Variants in DPYD observed in about 807,000 individuals in gnomAD.
The protein encoded by DPYD is dihydropyrimidine dehydrogenase [NADP(+)].
In DPYD, 109 loss-of-function variants were observed where a neutral mutation model predicts 116.2. The observed-to-expected ratio is 0.94, with a 90% confidence interval of 0.80 to 1.10. The LOEUF is 1.10. Ranked by LOEUF, DPYD falls within the 50% of genes least tolerant of loss-of-function variation. The pLI is 0.00. For missense variants in DPYD, 1,302 were observed against 1,254.5 expected, an observed-to-expected ratio of 1.04 and a Z score of -0.57; for synonymous variants, 440 against 432.0, an observed-to-expected ratio of 1.02 and a Z score of -0.23.
intron 5 of DPYD, chr1:97,700,408 C>A: frequency 2.6e-6 from 1 of 382,332 alleles, no homozygotes; most frequent in South Asian, 2.0e-5. Flanking sequence ...AAAACAAAAA[C>A]TGGAGTGACT....
intron 4 of DPYD, among the ~76,000 whole-genome samples, chr1:97,733,476 A>G (rs1205219698): frequency 6.6e-6 from 1 of 151,978 alleles, no homozygotes; most frequent in African/African-American, 2.4e-5. Flanking sequence ...TACTATTCAC[A>G]TTACTATGCA....
intron 8 of DPYD, among the ~76,000 whole-genome samples, chr1:97,676,215 T>C (rs761922905): frequency 7.2e-5 from 11 of 152,074 alleles, no homozygotes; most frequent in African/African-American, 2.4e-4. Flanking sequence ...ATATCTGTCA[T>C]CCCCTTTCCC....
chr1:97,549,891 T>C lies in DPYD; in HGVS notation c.1340-147A>G. 5.1e-6 allele frequency: 4 copies of C among 777,802 alleles called. No homozygotes were observed. The South Asian group carries it at 7.5e-5, about 15-fold the overall frequency. The allele number at this position is 777,802 out of a possible 1,614,324, so 48.2% of individuals were successfully genotyped here. On this transcript the variant is annotated intron_variant, in intron 11 of 22. Coordinates refer to ENST00000370192, the MANE Select transcript of DPYD (RefSeq NM_000110.4). Reference sequence around the variant, plus strand: ...TTAGTAAACTATAAAAATGAAAAGCTAACGAAATATTGGAGTTAACAACAC... The same window carrying C: ...TTAGTAAACTATAAAAATGAAAAGCCAACGAAATATTGGAGTTAACAACAC...
intron 18 of DPYD, among the ~76,000 whole-genome samples, chr1:97,277,758 G>C (rs546931848): frequency 8.5e-5 from 13 of 152,198 alleles, no homozygotes; most frequent in Admixed American, 7.9e-4. Context: ...CCATTCTTAT[G>C]CTGTATAGTC....
At chr1:97,601,992 T>C (rs1655277198) in intron 8 of DPYD, among the ~76,000 whole-genome samples, 2 of 152,032 alleles carry the variant, frequency 1.3e-5, no homozygotes, top group African/African-American at 2.4e-5. Flanking sequence ...TAATTGTGTG[T>C]ATCACACAAT....
chr1:97,764,373 AT>A (rs1665734356), intron 3 of DPYD, among the ~76,000 whole-genome samples: 1 of 152,056 alleles, frequency 6.6e-6, no homozygotes. Flanking sequence ...CTACTCAGAA[AT>A]TCTTGTATAA....
chr1:97,751,460 G>GTGTGTGTGTATATATATATATA (rs763260651), intron 3 of DPYD, among the ~76,000 whole-genome samples: 2 of 21,290 alleles, frequency 9.4e-5, no homozygotes, highest in Non-Finnish European at 8.1e-5. Context: ...GTGTGTGTGT[G>GTGTGTGTGTATATATATATATA]TATATATATA....
intron 2 of DPYD, among the ~76,000 whole-genome samples, chr1:97,860,401 A>G (rs1361116042): frequency 6.6e-6 from 1 of 152,196 alleles, no homozygotes; most frequent in African/African-American, 2.4e-5. Flanking sequence ...AAAAAGTATA[A>G]AAGAGAAAAA....
intron 3 of DPYD, among the ~76,000 whole-genome samples, chr1:97,742,300 G>A (rs948994559): frequency 3.3e-5 from 5 of 152,060 alleles, no homozygotes; most frequent in Admixed American, 2.0e-4. Context: ...GTGAGTAAGA[G>A]AGCCCTCTTC....
chr1:97,813,161 C>T (rs1668415886), intron 3 of DPYD, among the ~76,000 whole-genome samples: 1 of 152,032 alleles, frequency 6.6e-6, no homozygotes, highest in African/African-American at 2.4e-5. Context: ...CAATCATCTA[C>T]CTTTAATTAT....
chr1:97,454,480 T>C (rs1032838400), intron 13 of DPYD, among the ~76,000 whole-genome samples: 1 of 151,864 alleles, frequency 6.6e-6, no homozygotes, highest in African/African-American at 2.4e-5. Flanking sequence ...AGAGAAGAGT[T>C]CATTCTCTAT....
At chr1:97,394,254 C>T (rs1429908726) in intron 14 of DPYD, 1 of 152,136 alleles carries the variant, frequency 6.6e-6, no homozygotes, top group Admixed American at 6.6e-5. Flanking sequence ...CCTGTTCACT[C>T]TGACGGTAGT....
In DPYD at chr1:97,253,858, T is replaced by C. The variant is rs1425515126; in HGVS notation, c.2300-18864A>G. Among the ~76,000 whole-genome samples, 19 of 152,120 alleles carry C rather than the reference T, an allele frequency of 1.2e-4. 1 individual carries two copies. Among genetic ancestry groups the C allele is most frequent in the Admixed American group, 1.2e-3 (19 of 15,252 alleles). On this transcript the variant is annotated intron_variant, in intron 18 of 22. Transcript: ENST00000370192. ...GCTCTTATAAAAATATCAGTTTACC[T>C]ATATTATTTGGGAAAAACAAGGACA...
At chr1:97,375,141 G>A (rs563767159) in intron 15 of DPYD, among the ~76,000 whole-genome samples, 7 of 152,064 alleles carry the variant, frequency 4.6e-5, no homozygotes, top group South Asian at 2.1e-4. Context: ...CCAGTGCCGC[G>A]GTTTATTTTT....
intron 16 of DPYD, among the ~76,000 whole-genome samples, chr1:97,325,814 C>G (rs1668678682): frequency 6.6e-6 from 1 of 151,612 alleles, no homozygotes; most frequent in Non-Finnish European, 1.5e-5. Context: ...GGTTCAAAAG[C>G]ATAGGAATGC....
intron 3 of DPYD, among the ~76,000 whole-genome samples, chr1:97,824,730 A>G (rs1447262400): frequency 2.0e-5 from 3 of 152,194 alleles, no homozygotes; most frequent in African/African-American, 7.2e-5. Context: ...ACTCTGTTAG[A>G]GAAGGTTATT....
At chr1:97,273,587 T>C (rs1664737328) in intron 18 of DPYD, among the ~76,000 whole-genome samples, 1 of 152,176 alleles carries the variant, frequency 6.6e-6, no homozygotes, top group African/African-American at 2.4e-5. Flanking sequence ...AAGCTATTTA[T>C]AAATTGGAAA....
chr1:97,852,023 C>G (rs968952892), intron 2 of DPYD, among the ~76,000 whole-genome samples: 1 of 74,292 alleles, frequency 1.3e-5, no homozygotes, highest in Non-Finnish European at 2.9e-5. Context: ...GTGCAATTTA[C>G]AAAAAAAAAA....
chr1:97,173,496 A>AATGTG (rs1276977699), intron 20 of DPYD, among the ~76,000 whole-genome samples: 249 of 151,286 alleles, frequency 1.6e-3, no homozygotes, highest in African/African-American at 5.8e-3. Flanking sequence ...ATACACGCAT[A>AATGTG]TATAAAATAC....
Sources: gnomAD v4.1 joint callset for allele counts (sites outside exome capture counted in the v4.1 genomes callset) on GRCh38, gnomAD v4.1.1 for gene constraint, MANE v1.5 for transcripts, NCBI Gene and HGNC (gene_info 2026-07-23, HGNC 2026-07-21) for gene names.